DNER: variants seen among roughly 807,000 people sequenced by gnomAD.
DNER encodes delta and Notch-like epidermal growth factor-related receptor.
A neutral mutation model predicts 78.2 loss-of-function variants in DNER; 33 were observed. The ratio of observed to expected loss-of-function variants is 0.42; its 90% CI spans 0.32 to 0.56. DNER has a LOEUF of 0.56. DNER is among the 20% of genes least tolerant of loss of function. DNER has a pLI of 0.11. For missense variants in DNER, 918 were observed against 975.3 expected, an observed-to-expected ratio of 0.94 and a Z score of 0.78; for synonymous variants, 417 against 384.8, an observed-to-expected ratio of 1.08 and a Z score of -0.98.
chr2:229,598,542 C>G (rs1455875270), intron 1 of DNER, among the ~76,000 whole-genome samples: 2 of 152,068 alleles, frequency 1.3e-5, no homozygotes, highest in East Asian at 3.9e-4. Flanking sequence ...GGTTACCCAC[C>G]CCAACACCTT....
intron 1 of DNER, among the ~76,000 whole-genome samples, chr2:229,628,591 C>T (rs1012002835): frequency 3.3e-5 from 5 of 152,108 alleles, no homozygotes; most frequent in Non-Finnish European, 5.9e-5. Context: ...TGCTCTGACG[C>T]GGTGGACAAG....
intron 5 of DNER, among the ~76,000 whole-genome samples, chr2:229,543,444 C>T (rs932557402): frequency 2.0e-5 from 3 of 152,208 alleles, no homozygotes; most frequent in African/African-American, 7.2e-5. Context: ...GACCGCCTTA[C>T]GGAATCAACG....
At chr2:229,692,333 T>C (rs748123336) in intron 1 of DNER, among the ~76,000 whole-genome samples, 3 of 152,222 alleles carry the variant, frequency 2.0e-5, no homozygotes, top group African/African-American at 7.2e-5. Context: ...CATGCATATT[T>C]AAGATACTGT....
intron 8 of DNER, among the ~76,000 whole-genome samples, chr2:229,427,924 A>C (rs1693915414): frequency 6.6e-6 from 1 of 151,966 alleles, no homozygotes; most frequent in African/African-American, 2.4e-5. Context: ...AAAATGCAAA[A>C]ATTAGCCAGG....
rs542944919 is a variant in DNER at position 229,609,055 on chromosome 2, T to G, written c.277-17167A>C. Reference sequence around the variant, plus strand: ...CTGGCCAACATGGTGAAACCCCATCTCTACTAAGAATACAAAAATTAGCCG... The same window carrying G: ...CTGGCCAACATGGTGAAACCCCATCGCTACTAAGAATACAAAAATTAGCCG... On this transcript the variant is annotated intron_variant, in intron 1 of 12. Coordinates refer to ENST00000341772, the MANE Select transcript of DNER (RefSeq NM_139072.4). Among the ~76,000 whole-genome samples the G allele has an allele frequency of 6.6e-5, 10 of 152,218 alleles. No homozygotes were observed. In the East Asian group the frequency reaches 1.9e-3, roughly 29 times the overall value.
chr2:229,527,873 T>C (rs1286645589), intron 5 of DNER, among the ~76,000 whole-genome samples: 1 of 152,176 alleles, frequency 6.6e-6, no homozygotes, highest in Non-Finnish European at 1.5e-5. Context: ...TTGACATATG[T>C]CAACAATTTT....
chr2:229,562,909 T>A (rs771387309), intron 4 of DNER, among the ~76,000 whole-genome samples: 7 of 151,834 alleles, frequency 4.6e-5, no homozygotes, highest in Non-Finnish European at 7.4e-5. Context: ...ATCAACTTCA[T>A]CATCATCCTT....
chr2:229,668,193 A>G (rs963818670), intron 1 of DNER, among the ~76,000 whole-genome samples: 7 of 151,994 alleles, frequency 4.6e-5, no homozygotes, highest in Non-Finnish European at 8.8e-5. Flanking sequence ...AGATGTTACC[A>G]TTTCAACTGT....
At chr2:229,593,068 T>C (rs2154214685) in intron 1 of DNER, among the ~76,000 whole-genome samples, 1 of 152,378 alleles carries the variant, frequency 6.6e-6, no homozygotes, top group East Asian at 1.9e-4. Flanking sequence ...ATTAATTCTA[T>C]GCTATCACTT....
rs76412613 is a variant in DNER, at chr2:229,594,984, A to C, written c.277-3096T>G. On this transcript the variant is annotated intron_variant, in intron 1 of 12. Coordinates refer to ENST00000341772, the MANE Select transcript of DNER (RefSeq NM_139072.4). ...AAAAAAAAAAAAAAAAAAAAAAAAA[A>C]AAAACTCTAAATCTGTCCTAGAGAG... 4.3e-5 allele frequency among the ~76,000 whole-genome samples: 4 copies of C among 92,452 alleles called. 1 individual carries two copies. The highest frequency in any genetic ancestry group is 8.5e-5 in the Non-Finnish European group (4 of 47,060). 60.7% of individuals were successfully genotyped at this position (92,452 alleles called of 152,430 possible).
chr2:229,606,402 T>A (rs114209523), intron 1 of DNER: 2,159 of 152,044 alleles, frequency 0.014, 46 homozygotes, highest in Middle Eastern at 0.048. Flanking sequence ...CTCCTGTCTG[T>A]TTAGAGAGAG....
intron 4 of DNER, among the ~76,000 whole-genome samples, chr2:229,582,107 T>G (rs1697408568): frequency 6.6e-6 from 1 of 152,228 alleles, no homozygotes; most frequent in Non-Finnish European, 1.5e-5. Flanking sequence ...AACATTGGTT[T>G]GTTTGTTAAA....
intron 8 of DNER, 149 bp from the exon 9 acceptor site, chr2:229,418,379 G>A: frequency 1.8e-6 from 2 of 1,108,054 alleles, no homozygotes; most frequent in Non-Finnish European, 2.5e-6. Context: ...TTGGGGTAAA[G>A]TTGAAAGGTG....
intron 2 of DNER, among the ~76,000 whole-genome samples, chr2:229,589,425 T>C (rs1697560789): frequency 6.6e-6 from 1 of 152,212 alleles, no homozygotes; most frequent in South Asian, 2.1e-4. Flanking sequence ...GACAGATGGC[T>C]GCTACCCAAG....
At chr2:229,714,105 T>A in intron 1 of DNER, 43 bp downstream of exon 1, 1 of 1,254,820 alleles carries the variant, frequency 8.0e-7, no homozygotes, top group Non-Finnish European at 1.0e-6. Context: ...AGGCTGCTGG[T>A]CCCGGACCAG....
chr2:229,658,085 T>C (rs1698942416), intron 1 of DNER, among the ~76,000 whole-genome samples: 1 of 152,262 alleles, frequency 6.6e-6, no homozygotes, highest in African/African-American at 2.4e-5. Flanking sequence ...CAGTCTAAGA[T>C]AAAAATGCTA....
chr2:229,652,047 T>C (rs1253019601), intron 1 of DNER, among the ~76,000 whole-genome samples: 1 of 151,990 alleles, frequency 6.6e-6, no homozygotes, highest in Admixed American at 6.5e-5. Flanking sequence ...CTGTAGCATT[T>C]CAAAAAAAGG....
In DNER at chr2:229,610,348, A is replaced by G. The variant is rs1399849615; in HGVS notation, c.277-18460T>C. ...GGTAGAAGAGAACGGTTTCCTGGAA[A>G]GTAGTAAGTTCACTTAGAAGAATGT... is the stretch of plus-strand genomic sequence containing the variant. On this transcript the variant is annotated intron_variant, in intron 1 of 12. Transcript: ENST00000341772. Among the ~76,000 whole-genome samples the G allele has an allele frequency of 4.6e-5, 7 of 152,316 alleles. No homozygotes were observed. In the South Asian group the frequency reaches 1.2e-3, roughly 27 times the overall value.
chr2:229,591,973 C>T lies in DNER; in HGVS notation c.277-85G>A, dbSNP rs565439503. On this transcript the variant is annotated intron_variant, in intron 1 of 12. Transcript: ENST00000341772. The surrounding 1 kb of genome is among the most constrained non-coding windows in gnomAD (Gnocchi z 4.6). ...GGGAAATTAGCTCTGTGTCTCAGAG[C>T]GACTGCTGTAATGGAAATGCTGTTC... The T allele has an allele frequency of 7.7e-6, 11 of 1,420,750 alleles. No homozygotes were observed. Among genetic ancestry groups the T allele is most frequent in the South Asian group, 7.4e-5 (5 of 67,160 alleles). 88.0% of individuals were successfully genotyped at this position (1,420,750 alleles called of 1,614,324 possible). A position where few individuals can be genotyped will look rare whatever the true frequency, so the allele number is the denominator to read the frequency against.
Sources: gnomAD v4.1 joint callset for allele counts (sites outside exome capture counted in the v4.1 genomes callset) on GRCh38, gnomAD v4.1.1 for gene constraint, Gnocchi (gnomAD v3.1) non-coding constraint, MANE v1.5 for transcripts, NCBI Gene and HGNC (gene_info 2026-07-23, HGNC 2026-07-21) for gene names.